UNC5D: variants seen among roughly 807,000 people sequenced by gnomAD.
UNC5D encodes unc-5 netrin receptor D, also known as netrin receptor UNC5D.
In UNC5D, 39 loss-of-function variants were observed where a neutral mutation model predicts 105.4. The ratio of observed to expected loss-of-function variants is 0.37; its 90% CI spans 0.29 to 0.48. The LOEUF is 0.48. UNC5D is among the 20% of genes least tolerant of loss of function. UNC5D has a pLI of 0.98. For synonymous variants in UNC5D, 452 were observed against 450.4 expected (o/e 1.00, Z -0.04); for missense variants, 991 against 1,202.4 (o/e 0.82, Z 2.60).
intron 4 of UNC5D, among the ~76,000 whole-genome samples, chr8:35,682,761 A>C (rs1825751793): frequency 6.6e-6 from 1 of 152,322 alleles, no homozygotes; most frequent in East Asian, 1.9e-4. Context: ...GTTTGGACCA[A>C]GGATAGGACC....
intron 1 of UNC5D, among the ~76,000 whole-genome samples, chr8:35,248,122 TATAA>T (rs1803288462): frequency 1.4e-5 from 1 of 72,126 alleles, no homozygotes; most frequent in Non-Finnish European, 2.3e-5. Context: ...AAATATAATA[TATAA>T]ATATATATTA....
In UNC5D at chr8:35,620,966, G is replaced by A. The variant is rs569015690; in HGVS notation, c.570+25309G>A. On this transcript the variant is annotated intron_variant, in intron 4 of 16. Coordinates refer to ENST00000404895, the MANE Select transcript of UNC5D (RefSeq NM_080872.4). ...CTTAACACTGTTGACGTTTGGGGTCGGATACTCCTTTATTCTGGGGAGCTT... is the reference window on the plus strand; with the variant it reads ...CTTAACACTGTTGACGTTTGGGGTCAGATACTCCTTTATTCTGGGGAGCTT... Among the ~76,000 whole-genome samples, 4 of 152,260 alleles carry A rather than the reference G, an allele frequency of 2.6e-5. No individual in the cohort carries two copies. The East Asian group carries it at 5.8e-4, about 22-fold the overall frequency.
At position 35,683,621 on chromosome 8, in the gene UNC5D, C is replaced by A. The variant is rs766532836; in HGVS notation, c.645C>A (p.Asn215Lys). ...DENIDTRADH[N>K]LIIRQARLSD... ...ACATTGACACCAGGGCTGACCATAA[C>A]CTGATCATCAGGCAGGCACGGCTCT... Residue 215 changes from asparagine (N) to lysine (K), a missense_variant, in exon 5 of 17, where the codon AAC becomes AAA. By Grantham distance (94) the Asn-to-Lys change is moderately conservative (BLOSUM62 0). Coordinates refer to ENST00000404895, the MANE Select transcript of UNC5D (RefSeq NM_080872.4). 1.3e-6 allele frequency: 2 copies of A among 1,581,592 alleles called. No homozygotes were observed. The highest frequency in any genetic ancestry group is 1.7e-6 in the Non-Finnish European group (2 of 1,168,668).
At chr8:35,595,119 G>A (rs1412096259) in intron 3 of UNC5D, among the ~76,000 whole-genome samples, 1 of 152,182 alleles carries the variant, frequency 6.6e-6, no homozygotes, top group African/African-American at 2.4e-5. Context: ...AGGGTTAAGG[G>A]AATGGCAGAG....
chr8:35,574,003 C>G (rs982546127), intron 3 of UNC5D, among the ~76,000 whole-genome samples: 1 of 152,204 alleles, frequency 6.6e-6, no homozygotes, highest in African/African-American at 2.4e-5. Context: ...GGCCTCCTCT[C>G]GTTTGTCTGG....
At chr8:35,505,386 G>A (rs767191914) in intron 1 of UNC5D, among the ~76,000 whole-genome samples, 8 of 152,152 alleles carry the variant, frequency 5.3e-5, no homozygotes, top group Non-Finnish European at 1.0e-4. Flanking sequence ...TTCTTGCCTG[G>A]CTTGAAGAAA....
chr8:35,635,601 G>A (rs969644410), intron 4 of UNC5D, among the ~76,000 whole-genome samples: 5 of 152,136 alleles, frequency 3.3e-5, no homozygotes, highest in African/African-American at 1.2e-4. Flanking sequence ...GCAGTTCATT[G>A]ATGAAGGCTA....
intron 8 of UNC5D, among the ~76,000 whole-genome samples, chr8:35,709,517 TCA>T (rs1827806570): frequency 6.6e-6 from 1 of 151,962 alleles, no homozygotes; most frequent in East Asian, 2.0e-4. Flanking sequence ...TGGTGAAACC[TCA>T]CCTCTACTAA....
intron 1 of UNC5D, among the ~76,000 whole-genome samples, chr8:35,350,416 T>G (rs896779291): frequency 2.0e-5 from 3 of 152,064 alleles, no homozygotes; most frequent in African/African-American, 7.2e-5. Flanking sequence ...TTCATGTTGA[T>G]GTCTTAAGTA....
intron 1 of UNC5D, among the ~76,000 whole-genome samples, chr8:35,546,234 G>A (rs74459629): frequency 0.013 from 2,011 of 152,154 alleles, 55 homozygotes; most frequent in African/African-American, 0.046. Flanking sequence ...CGGGTAGCTA[G>A]GACAGTTACC....
At chr8:35,449,416 T>A (rs1373772719) in intron 1 of UNC5D, among the ~76,000 whole-genome samples, 2 of 152,138 alleles carry the variant, frequency 1.3e-5, no homozygotes, top group East Asian at 3.9e-4. Flanking sequence ...TCAGGAAGCA[T>A]TTCTTGGGTC....
At chr8:35,572,107 C>T (rs929506658) in intron 3 of UNC5D, among the ~76,000 whole-genome samples, 4 of 151,698 alleles carry the variant, frequency 2.6e-5, no homozygotes, top group African/African-American at 4.8e-5. Flanking sequence ...GCCAACATGT[C>T]GAAACCCCGT....
At chr8:35,731,222 A>C (rs1450412684) in intron 11 of UNC5D, 126 bp downstream of exon 11, 4 of 811,384 alleles carry the variant, frequency 4.9e-6, no homozygotes, top group Non-Finnish European at 7.8e-6. Flanking sequence ...AACATGGCGA[A>C]AGCCTGTCTC....
At chr8:35,447,779 A>T (rs1214356022) in intron 1 of UNC5D, among the ~76,000 whole-genome samples, 1 of 152,010 alleles carries the variant, frequency 6.6e-6, no homozygotes, top group African/African-American at 2.4e-5. Flanking sequence ...TTCATCCTCT[A>T]CCCTCATCGA....
chr8:35,463,457 T>C (rs958262506), intron 1 of UNC5D, among the ~76,000 whole-genome samples: 24 of 152,156 alleles, frequency 1.6e-4, no homozygotes, highest in Admixed American at 9.2e-4. Context: ...GTTTGCCCCT[T>C]CCGCTCCACT....
At chr8:35,608,494 G>A (rs1489332493) in intron 4 of UNC5D, among the ~76,000 whole-genome samples, 1 of 152,168 alleles carries the variant, frequency 6.6e-6, no homozygotes, top group African/African-American at 2.4e-5. Context: ...TGTAAGCCCT[G>A]AAGACAGGGC....
At chr8:35,261,035 C>T (rs538153284) in intron 1 of UNC5D, among the ~76,000 whole-genome samples, 8 of 152,118 alleles carry the variant, frequency 5.3e-5, no homozygotes, top group Non-Finnish European at 1.0e-4. Context: ...TTTTCTTAAG[C>T]AGCCTTCACT....
At chr8:35,374,081 A>T (rs545369013) in intron 1 of UNC5D, among the ~76,000 whole-genome samples, 2 of 152,324 alleles carry the variant, frequency 1.3e-5, no homozygotes, top group South Asian at 4.1e-4. Flanking sequence ...TCGTGGTGAC[A>T]TACTGGTAGT....
chr8:35,600,406 T>C (rs1470642768), intron 4 of UNC5D, among the ~76,000 whole-genome samples: 1 of 152,234 alleles, frequency 6.6e-6, no homozygotes, highest in East Asian at 1.9e-4. Flanking sequence ...TGAATTAGTT[T>C]ACAGTCTCAC....
Sources: gnomAD v4.1 joint callset for allele counts (sites outside exome capture counted in the v4.1 genomes callset) on GRCh38, gnomAD v4.1.1 for gene constraint, MANE v1.5 for transcripts, NCBI Gene and HGNC (gene_info 2026-07-23, HGNC 2026-07-21) for gene names.